Variants in DLG2 observed in about 807,000 individuals in gnomAD.
DLG2 encodes disks large homolog 2.
DLG2 carries 45 observed loss-of-function variants against 132.5 expected under a neutral mutation model. The ratio of observed to expected loss-of-function variants is 0.34; its 90% CI spans 0.27 to 0.44. The LOEUF (loss-of-function observed/expected upper bound fraction) is 0.44. Ranked by LOEUF, DLG2 falls within the 20% of genes least tolerant of loss-of-function variation. DLG2 has a pLI of 1.00. For synonymous variants in DLG2, 424 were observed against 419.6 expected (o/e 1.01, Z -0.13); for missense variants, 1,045 against 1,196.9 (o/e 0.87, Z 1.87).
chr11:84,041,462 G>T (rs931941037), intron 11 of DLG2, among the ~76,000 whole-genome samples: 1 of 151,816 alleles, frequency 6.6e-6, no homozygotes, highest in Non-Finnish European at 1.5e-5. Flanking sequence ...ACAGTGCATC[G>T]TCACAATTTT....
intron 17 of DLG2, among the ~76,000 whole-genome samples, chr11:83,797,087 T>C (rs2043001647): frequency 6.6e-6 from 1 of 151,806 alleles, no homozygotes; most frequent in Non-Finnish European, 1.5e-5. Flanking sequence ...GGCAAGAGTA[T>C]TCAAGGCAGA....
chr11:85,253,430 G>T (rs920465783), intron 4 of DLG2, among the ~76,000 whole-genome samples: 1 of 152,142 alleles, frequency 6.6e-6, no homozygotes, highest in Non-Finnish European at 1.5e-5. Context: ...GCTGGGAGGG[G>T]TGAACTCCAC....
chr11:85,334,160 G>A (rs1467296290), intron 3 of DLG2, among the ~76,000 whole-genome samples: 1 of 152,016 alleles, frequency 6.6e-6, no homozygotes. Flanking sequence ...TCAATCTTGG[G>A]ACATTTTATG....
chr11:83,512,392 C>A (rs996414446), intron 21 of DLG2, among the ~76,000 whole-genome samples: 1 of 152,140 alleles, frequency 6.6e-6, no homozygotes, highest in East Asian at 1.9e-4. Context: ...AATATCTACT[C>A]CTGTTCAAGA....
intron 15 of DLG2, among the ~76,000 whole-genome samples, chr11:83,914,424 C>T (rs112091198): frequency 2.0e-5 from 3 of 152,078 alleles, no homozygotes; most frequent in South Asian, 2.1e-4. Flanking sequence ...TTTATAGCAA[C>T]GCAAATGGAC....
In DLG2 at chr11:83,753,723, CACT is replaced by C. The variant is rs561963075; in HGVS notation, c.1825+32964_1825+32966del. Among the ~76,000 whole-genome samples, 214 of 133,238 alleles carry C rather than the reference CACT, an allele frequency of 1.6e-3. 6 individuals carry two copies. The highest frequency in any genetic ancestry group is 6.3e-3 in the African/African-American group (206 of 32,942). 87.4% of individuals were successfully genotyped at this position (133,238 alleles called of 152,430 possible). On this transcript the variant is annotated intron_variant, in intron 18 of 27. Coordinates refer to ENST00000376104, the MANE Select transcript of DLG2 (RefSeq NM_001142699.3). Reference sequence around the variant, plus strand: ...ATATAGTGTCTATTTCATATATAGACACTATATATATGATATATATATATTTCA... The same window carrying C: ...ATATAGTGTCTATTTCATATATAGACATATATATGATATATATATATTTCA...
At chr11:84,887,772 C>G (rs1348294768) in intron 6 of DLG2, among the ~76,000 whole-genome samples, 1 of 152,088 alleles carries the variant, frequency 6.6e-6, no homozygotes, top group African/African-American at 2.4e-5. Context: ...AGGAGGAAAT[C>G]AAATCTAGGT....
chr11:84,617,950 G>C (rs183030339), intron 6 of DLG2, among the ~76,000 whole-genome samples: 108 of 152,098 alleles, frequency 7.1e-4, no homozygotes, highest in African/African-American at 2.4e-3. Context: ...GGGTAAAACA[G>C]GTATGTGTAG....
chr11:85,129,283 C>T (rs927665579), intron 5 of DLG2, among the ~76,000 whole-genome samples: 1 of 152,126 alleles, frequency 6.6e-6, no homozygotes, highest in Non-Finnish European at 1.5e-5. Flanking sequence ...TGATGATTTC[C>T]TAGTCTACAA....
intron 21 of DLG2, among the ~76,000 whole-genome samples, chr11:83,499,893 AT>A (rs1565493090): frequency 1.7e-4 from 19 of 114,732 alleles, no homozygotes; most frequent in Non-Finnish European, 3.2e-4. Context: ...ATATATATAT[AT>A]ATATCAGTTC....
chr11:83,741,844 T>TAA (rs879664488), intron 18 of DLG2, among the ~76,000 whole-genome samples: 1 of 144,912 alleles, frequency 6.9e-6, no homozygotes, highest in Non-Finnish European at 1.5e-5. Context: ...CTGTCTCTAC[T>TAA]AAAAAAAAAA....
At chr11:85,053,019 T>C (rs1199246556) in intron 6 of DLG2, among the ~76,000 whole-genome samples, 2 of 152,200 alleles carry the variant, frequency 1.3e-5, no homozygotes, top group Non-Finnish European at 2.9e-5. Flanking sequence ...TTTTTCTACA[T>C]TGTCATATCT....
chr11:84,546,426 G>A (rs917143161), intron 6 of DLG2: 28 of 226,666 alleles, frequency 1.2e-4, no homozygotes, highest in African/African-American at 5.2e-4. Context: ...AAAGAACCAT[G>A]AGCCAATTAA....
At chr11:85,075,176 T>C (rs918746358) in intron 6 of DLG2, among the ~76,000 whole-genome samples, 5 of 151,956 alleles carry the variant, frequency 3.3e-5, no homozygotes, top group African/African-American at 4.8e-5. Flanking sequence ...TCGTGGTGCA[T>C]ATATGAGGAA....
chr11:83,910,718 T>C (rs1438496469), intron 15 of DLG2, among the ~76,000 whole-genome samples: 1 of 152,138 alleles, frequency 6.6e-6, no homozygotes, highest in Non-Finnish European at 1.5e-5. Context: ...AAGGAAAAAG[T>C]ACAGCTATTT....
At chr11:84,081,285 T>C (rs75177329) in intron 10 of DLG2, among the ~76,000 whole-genome samples, 4,179 of 152,242 alleles carry the variant, frequency 0.027, 173 homozygotes, top group African/African-American at 0.094. Flanking sequence ...CGAAGGATGA[T>C]TTATACATTG....
intron 19 of DLG2, among the ~76,000 whole-genome samples, chr11:83,585,253 T>A (rs2097061808): frequency 6.6e-6 from 1 of 152,190 alleles, no homozygotes; most frequent in Non-Finnish European, 1.5e-5. Context: ...AAAATAGTAG[T>A]GGTTAAGATC....
intron 7 of DLG2, among the ~76,000 whole-genome samples, chr11:84,453,643 A>C (rs1453818813): frequency 6.6e-6 from 1 of 151,654 alleles, no homozygotes; most frequent in Non-Finnish European, 1.5e-5. Context: ...TTAACTACTT[A>C]TCTTATTTAA....
chr11:84,719,882 C>T (rs1214338437), intron 6 of DLG2, among the ~76,000 whole-genome samples: 1 of 151,942 alleles, frequency 6.6e-6, no homozygotes, highest in Non-Finnish European at 1.5e-5. Flanking sequence ...CATCGACCAC[C>T]CCACTTACTC....
Sources: gnomAD v4.1 joint callset for allele counts (sites outside exome capture counted in the v4.1 genomes callset) on GRCh38, gnomAD v4.1.1 for gene constraint, MANE v1.5 for transcripts, NCBI Gene and HGNC (gene_info 2026-07-23, HGNC 2026-07-21) for gene names.